The following ST18 variants were observed in gnomAD, a reference collection of about 807,000 sequenced individuals.
The protein encoded by ST18 is ST18 C2H2C-type zinc finger transcription factor.
In ST18, 50 loss-of-function variants were observed where a neutral mutation model predicts 110.0. The observed-to-expected ratio is 0.45, with a 90% confidence interval of 0.36 to 0.58. ST18 has a LOEUF of 0.58. ST18 is among the 20% of genes least tolerant of loss of function. The pLI, the probability that ST18 is intolerant of heterozygous loss-of-function variation, is 0.00. For synonymous variants in ST18, 461 were observed against 452.4 expected (o/e 1.02, Z -0.24); for missense variants, 1,306 against 1,280.1 (o/e 1.02, Z -0.31).
intron 3 of ST18, among the ~76,000 whole-genome samples, chr8:52,229,302 C>A (rs952962604): frequency 1.3e-5 from 2 of 152,200 alleles, no homozygotes; most frequent in African/African-American, 4.8e-5. Flanking sequence ...AAGTCTGATA[C>A]GGTCTCACCA....
At chr8:52,161,303 G>A in intron 14 of ST18, 72 bp downstream of exon 14, 1 of 1,490,104 alleles carries the variant, frequency 6.7e-7, no homozygotes, top group East Asian at 2.3e-5. Flanking sequence ...ACAGCCCCCT[G>A]GCCCCCAGTA....
At position 52,241,765 on chromosome 8, in the gene ST18, A is replaced by G. The variant is rs535321066; in HGVS notation, c.-464-11688T>C. Among the ~76,000 whole-genome samples the G allele has an allele frequency of 1.2e-4, 19 of 152,360 alleles. No homozygotes were observed. The South Asian group carries it at 3.7e-3, about 30-fold the overall frequency. ...TTAAAAACTTTAGTACATGAAAAAT[A>G]CAAAATCATTTTAAATCATATTCAG... On this transcript the variant is annotated intron_variant, in intron 2 of 25. Transcript: ENST00000689386.
At chr8:52,399,590 T>A (rs1269890638) in intron 2 of ST18, among the ~76,000 whole-genome samples, 3 of 152,046 alleles carry the variant, frequency 2.0e-5, no homozygotes, top group African/African-American at 7.2e-5. Context: ...TGCCTCTTAG[T>A]ACTATTGTTG....
intron 8 of ST18, chr8:52,210,140 A>G (rs1384424727): frequency 2.2e-6 from 1 of 455,916 alleles, no homozygotes; most frequent in Non-Finnish European, 4.4e-6. Flanking sequence ...CCAAGAAACC[A>G]CTCCAGGGAC....
chr8:52,234,867 G>A (rs2092374042), intron 2 of ST18, among the ~76,000 whole-genome samples: 1 of 151,982 alleles, frequency 6.6e-6, no homozygotes, highest in African/African-American at 2.4e-5. Flanking sequence ...CTCAGGAATG[G>A]AAAACCAAAC....
intron 2 of ST18, among the ~76,000 whole-genome samples, chr8:52,324,304 T>C (rs1216877865): frequency 2.2e-5 from 3 of 136,132 alleles, no homozygotes; most frequent in Admixed American, 1.6e-4. Flanking sequence ...TGATAGATGA[T>C]GGATGGATGG....
intron 9 of ST18, among the ~76,000 whole-genome samples, chr8:52,179,345 A>T (rs536338403): frequency 2.4e-4 from 37 of 152,372 alleles, no homozygotes; most frequent in Non-Finnish European, 5.3e-4. Flanking sequence ...CTTTTCACTT[A>T]GCACACAAAA....
chr8:52,184,216 A>G (rs2071059584), intron 8 of ST18, among the ~76,000 whole-genome samples: 1 of 152,156 alleles, frequency 6.6e-6, no homozygotes. Context: ...GAGCTCTATT[A>G]TCTATATTTT....
intron 2 of ST18, among the ~76,000 whole-genome samples, chr8:52,360,307 G>A (rs757254259): frequency 3.3e-5 from 5 of 151,936 alleles, no homozygotes; most frequent in Admixed American, 6.6e-5. Context: ...TTTTATAAGC[G>A]TATACAGATG....
At chr8:52,254,357 C>G (rs549965457) in intron 2 of ST18, 2 of 152,164 alleles carry the variant, frequency 1.3e-5, no homozygotes, top group African/African-American at 4.8e-5. Flanking sequence ...ACATCCAGTG[C>G]CTTTGACTGC....
At chr8:52,317,357 G>C (rs2139832720) in intron 2 of ST18, among the ~76,000 whole-genome samples, 1 of 152,320 alleles carries the variant, frequency 6.6e-6, no homozygotes, top group East Asian at 1.9e-4. Context: ...AGCAGAGTTT[G>C]GAGTGAAGCT....
chr8:52,325,817 A>G (rs1287027975), intron 2 of ST18, among the ~76,000 whole-genome samples: 2 of 152,186 alleles, frequency 1.3e-5, no homozygotes, highest in African/African-American at 2.4e-5. Context: ...GGATCTAAAG[A>G]AAAAAGATCA....
At position 52,348,772 on chromosome 8, in the gene ST18, T is replaced by C. The variant is rs547529942; in HGVS notation, c.-465+60556A>G. Among the ~76,000 whole-genome samples the C allele has an allele frequency of 7.9e-5, 12 of 152,316 alleles. No homozygotes were observed. In the South Asian group the frequency reaches 2.5e-3, roughly 32 times the overall value. On this transcript the variant is annotated intron_variant, in intron 2 of 25. Coordinates refer to ENST00000689386, the MANE Select transcript of ST18 (RefSeq NM_001352837.2). ...AAAAAAATTGTATATATTTATCATG[T>C]ACAGTATGAAGTTGTGAAGTATATA...
At chr8:52,187,388 T>C (rs1481164298) in intron 8 of ST18, among the ~76,000 whole-genome samples, 1 of 152,218 alleles carries the variant, frequency 6.6e-6, no homozygotes, top group East Asian at 1.9e-4. Flanking sequence ...ACTCAGGCAG[T>C]CTGGACCTAA....
At chr8:52,282,047 A>C (rs567211062) in intron 2 of ST18, among the ~76,000 whole-genome samples, 37 of 152,328 alleles carry the variant, frequency 2.4e-4, no homozygotes, top group African/African-American at 8.9e-4. Flanking sequence ...ATTGAAATAA[A>C]AGTAAAATTA....
intron 23 of ST18, among the ~76,000 whole-genome samples, chr8:52,120,754 G>A (rs1254335367): frequency 6.6e-6 from 1 of 152,196 alleles, no homozygotes; most frequent in Non-Finnish European, 1.5e-5. Context: ...GGAGTTTTGA[G>A]TAGCGGATAG....
At chr8:52,159,141 T>C in intron 14 of ST18, 32 bp from the exon 15 acceptor site, 1 of 1,595,048 alleles carries the variant, frequency 6.3e-7, no homozygotes, top group Non-Finnish European at 8.6e-7. Flanking sequence ...AGCAATTGCA[T>C]GTACATGGTT....
intron 2 of ST18, among the ~76,000 whole-genome samples, chr8:52,261,003 CAG>C (rs2094676377): frequency 6.6e-6 from 1 of 152,086 alleles, no homozygotes; most frequent in African/African-American, 2.4e-5. Flanking sequence ...AAAGAAAAGA[CAG>C]AGCAAAAGAG....
At chr8:52,358,448 T>C (rs1824160155) in intron 2 of ST18, among the ~76,000 whole-genome samples, 1 of 151,910 alleles carries the variant, frequency 6.6e-6, no homozygotes, top group African/African-American at 2.4e-5. Context: ...GATAAACTTT[T>C]AGCTAGATTG....
Sources: gnomAD v4.1 joint callset for allele counts (sites outside exome capture counted in the v4.1 genomes callset) on GRCh38, gnomAD v4.1.1 for gene constraint, MANE v1.5 for transcripts, NCBI Gene and HGNC (gene_info 2026-07-23, HGNC 2026-07-21) for gene names.